The following VPS41 variants were observed in gnomAD, a reference collection of about 807,000 sequenced individuals.
VPS41 encodes VPS41 subunit of HOPS complex, also known as vacuolar protein sorting-associated protein 41 homolog.
VPS41 carries 85 observed loss-of-function variants against 130.9 expected under a neutral mutation model. The observed-to-expected ratio is 0.65, with a 90% confidence interval of 0.55 to 0.78. VPS41 has a LOEUF of 0.78. Ranked by LOEUF, VPS41 falls within the 30% of genes least tolerant of loss-of-function variation. The pLI is 0.00. For synonymous variants in VPS41, 335 were observed against 332.9 expected, an observed-to-expected ratio of 1.01 and a Z score of -0.07; for missense variants, 874 against 1,018.7, an observed-to-expected ratio of 0.86 and a Z score of 1.93.
chr7:38,758,408 T>A lies in VPS41; in HGVS notation c.1496A>T (p.Asp499Val). 6.2e-7 allele frequency: 1 copy of A among 1,613,594 alleles called. No individual in the cohort carries two copies. Among genetic ancestry groups the A allele is most frequent in the Non-Finnish European group, 8.5e-7 (1 of 1,179,688 alleles). Residue 499 changes from aspartate (D) to valine (V), a missense_variant, in exon 18 of 29, where the codon GAT becomes GTT. Transcript: ENST00000310301. ...GTTCTGACTATCTTTCTTCAAATGA[T>A]CCCGAACTGCTTGAACTATGACTGA... ...NNSVIVQAVR[D>V]HLKKDSQNKT...
intron 9 of VPS41, among the ~76,000 whole-genome samples, chr7:38,791,204 T>C (rs1437190679): frequency 6.6e-6 from 1 of 152,174 alleles, no homozygotes; most frequent in Non-Finnish European, 1.5e-5. Flanking sequence ...TCCCTTCTGG[T>C]AGACTTTTGA....
intron 10 of VPS41, among the ~76,000 whole-genome samples, chr7:38,778,807 G>C (rs1314894103): frequency 6.6e-6 from 1 of 152,128 alleles, no homozygotes; most frequent in African/African-American, 2.4e-5. Flanking sequence ...TGCCAAATAG[G>C]CTGCCTAGTC....
chr7:38,728,204 A>C (rs1424288073), intron 27 of VPS41: 1 of 479,666 alleles, frequency 2.1e-6, no homozygotes, highest in African/African-American at 1.9e-5. Flanking sequence ...AACCAGTGGC[A>C]TCAACATTAC....
intron 2 of VPS41, among the ~76,000 whole-genome samples, chr7:38,895,630 C>G (rs1410939380): frequency 6.6e-6 from 1 of 152,064 alleles, no homozygotes. Flanking sequence ...TAGGAGGCAT[C>G]TTTTTTTGGT....
intron 4 of VPS41, among the ~76,000 whole-genome samples, chr7:38,831,699 C>T (rs1249165666): frequency 6.6e-6 from 1 of 152,240 alleles, no homozygotes; most frequent in Non-Finnish European, 1.5e-5. Flanking sequence ...TACACAAGAT[C>T]TGTTATTCAA....
At chr7:38,810,252 A>G (rs1223135529) in intron 7 of VPS41, among the ~76,000 whole-genome samples, 1 of 152,152 alleles carries the variant, frequency 6.6e-6, no homozygotes, top group East Asian at 1.9e-4. Flanking sequence ...TGCCAGACAG[A>G]ACTATAGCCT....
chr7:38,865,327 C>T (rs1234469879), intron 3 of VPS41, among the ~76,000 whole-genome samples: 1 of 152,118 alleles, frequency 6.6e-6, no homozygotes, highest in Non-Finnish European at 1.5e-5. Flanking sequence ...AAACATCAGG[C>T]TCTTTGGCAA....
At chr7:38,791,451 G>C (rs1250650234) in intron 9 of VPS41, among the ~76,000 whole-genome samples, 3 of 152,156 alleles carry the variant, frequency 2.0e-5, no homozygotes, top group Non-Finnish European at 4.4e-5. Context: ...TTGTGAAATA[G>C]ATATCATTAT....
At chr7:38,850,463 T>C (rs1210753209) in intron 4 of VPS41, among the ~76,000 whole-genome samples, 1 of 152,200 alleles carries the variant, frequency 6.6e-6, no homozygotes, top group African/African-American at 2.4e-5. Flanking sequence ...TAAAACTTGG[T>C]ACAAACACCT....
intron 9 of VPS41, among the ~76,000 whole-genome samples, chr7:38,790,291 G>C (rs1011482999): frequency 5.8e-5 from 4 of 68,506 alleles, no homozygotes; most frequent in African/African-American, 2.4e-4. Context: ...CCAGCACAAA[G>C]AGAACACCAT....
At chr7:38,789,673 A>C (rs1784499770) in intron 10 of VPS41, 128 bp downstream of exon 10, 1 of 798,732 alleles carries the variant, frequency 1.3e-6, no homozygotes, top group Admixed American at 2.1e-5. Flanking sequence ...CAGTGGAAGA[A>C]GATAAACCAG....
chr7:38,804,352 G>A (rs1333315424), intron 7 of VPS41, among the ~76,000 whole-genome samples: 7 of 151,954 alleles, frequency 4.6e-5, no homozygotes, highest in Non-Finnish European at 7.4e-5. Context: ...TCCTCCAATA[G>A]GCCCCAGTGT....
chr7:38,872,928 A>G (rs1786403522), intron 2 of VPS41, among the ~76,000 whole-genome samples: 1 of 152,148 alleles, frequency 6.6e-6, no homozygotes, highest in Non-Finnish European at 1.5e-5. Flanking sequence ...AGTCTTTATA[A>G]TAAGATGCCA....
At chr7:38,755,355 A>T (rs192443812) in intron 19 of VPS41, among the ~76,000 whole-genome samples, 55 of 152,306 alleles carry the variant, frequency 3.6e-4, no homozygotes, top group Admixed American at 8.5e-4. Context: ...TAGTCTCCCT[A>T]TGAGACTCCA....
chr7:38,820,017 C>T (rs1218198344), intron 6 of VPS41, among the ~76,000 whole-genome samples: 1 of 152,162 alleles, frequency 6.6e-6, no homozygotes, highest in Non-Finnish European at 1.5e-5. Context: ...CTAGCCTAGC[C>T]ATGTCCTTAC....
intron 14 of VPS41, among the ~76,000 whole-genome samples, chr7:38,770,544 G>T (rs544978908): frequency 6.6e-6 from 1 of 151,902 alleles, no homozygotes. Context: ...AGAAGTTTAC[G>T]GTAGGGAAAA....
intron 2 of VPS41, among the ~76,000 whole-genome samples, chr7:38,891,616 T>C (rs1283309217): frequency 2.6e-5 from 4 of 152,218 alleles, no homozygotes; most frequent in Non-Finnish European, 4.4e-5. Flanking sequence ...ATTTACTACC[T>C]AGAACTTTAC....
intron 5 of VPS41, among the ~76,000 whole-genome samples, chr7:38,827,067 T>C (rs1785295560): frequency 6.6e-6 from 1 of 152,082 alleles, no homozygotes; most frequent in South Asian, 2.1e-4. Flanking sequence ...ATCTGCCCGC[T>C]TCGGCCTCCC....
chr7:38,737,215 T>A (rs947613936), intron 25 of VPS41, among the ~76,000 whole-genome samples: 93 of 152,030 alleles, frequency 6.1e-4, no homozygotes, highest in Non-Finnish European at 1.0e-3. Flanking sequence ...CTACTAAAAA[T>A]ACAAAAATTA....
Sources: allele counts gnomAD v4.1 joint callset (sites outside exome capture counted in the v4.1 genomes callset), GRCh38; gene constraint gnomAD v4.1.1; transcripts MANE v1.5; gene names NCBI Gene and HGNC (gene_info 2026-07-23, HGNC 2026-07-21).